The following DPP6 variants were observed in gnomAD, a reference collection of about 807,000 sequenced individuals.
DPP6 encodes the protein A-type potassium channel modulatory protein DPP6.
In DPP6, 69 loss-of-function variants were observed where a neutral mutation model predicts 122.6. The ratio of observed to expected loss-of-function variants is 0.56; its 90% CI spans 0.46 to 0.69. DPP6 has a LOEUF of 0.69. Among genes scored for constraint, DPP6 ranks in the 30% least tolerant of loss-of-function variants. DPP6 has a pLI of 0.00. For synonymous variants in DPP6, 418 were observed against 433.1 expected (o/e 0.97, Z 0.43); for missense variants, 928 against 1,116.9 (o/e 0.83, Z 2.41).
chr7:154,393,557 T>A (rs1467959052), intron 1 of DPP6, among the ~76,000 whole-genome samples: 1 of 143,100 alleles, frequency 7.0e-6, no homozygotes, highest in Non-Finnish European at 1.5e-5. Flanking sequence ...TTGTTCAATT[T>A]TTTTTTTTTT....
chr7:153,945,729 G>A (rs1010878473), intron 1 of DPP6, among the ~76,000 whole-genome samples: 1 of 152,178 alleles, frequency 6.6e-6, no homozygotes, highest in African/African-American at 2.4e-5. Context: ...GAATCAGTAA[G>A]TGTGAAGGAA....
intron 5 of DPP6, among the ~76,000 whole-genome samples, chr7:154,637,442 T>C (rs6968015): frequency 0.75 from 114,805 of 152,092 alleles, 43,465 homozygotes; most frequent in East Asian, 0.92. Context: ...CAGGGAACTC[T>C]AGCCGTACAT....
At chr7:154,789,138 G>A (rs1797517779) in intron 10 of DPP6, among the ~76,000 whole-genome samples, 2 of 152,164 alleles carry the variant, frequency 1.3e-5, no homozygotes, top group Non-Finnish European at 2.9e-5. Context: ...TTGACTCTGT[G>A]TTCTGACTTT....
intron 5 of DPP6, among the ~76,000 whole-genome samples, chr7:154,609,266 G>C (rs1223540174): frequency 6.6e-6 from 1 of 152,226 alleles, no homozygotes; most frequent in Non-Finnish European, 1.5e-5. Flanking sequence ...CAGGAACCCA[G>C]TACTATCTTT....
At chr7:154,012,441 A>G (rs1251769126) in intron 1 of DPP6, among the ~76,000 whole-genome samples, 2 of 152,216 alleles carry the variant, frequency 1.3e-5, no homozygotes, top group African/African-American at 2.4e-5. Flanking sequence ...CAAATGCACA[A>G]AGAACAAAGG....
chr7:154,884,467 A>G (rs985390149), intron 21 of DPP6: 7 of 150,208 alleles, frequency 4.7e-5, no homozygotes, highest in African/African-American at 1.5e-4. Context: ...ACACGAGTAC[A>G]TACACATGCT....
chr7:154,104,265 G>A (rs1805979243), intron 1 of DPP6, among the ~76,000 whole-genome samples: 1 of 152,214 alleles, frequency 6.6e-6, no homozygotes, highest in African/African-American at 2.4e-5. Context: ...GACGGGAAGG[G>A]GTTGTGCATT....
the DPP6 span, among the ~76,000 whole-genome samples, chr7:153,847,668 A>C: frequency 6.6e-6 from 1 of 152,190 alleles, no homozygotes; most frequent in Non-Finnish European, 1.5e-5. Flanking sequence ...CAGACACTCC[A>C]AAGTGTCTAC....
intron 7 of DPP6, among the ~76,000 whole-genome samples, chr7:154,676,269 G>A (rs1021968494): frequency 2.0e-5 from 3 of 149,208 alleles, no homozygotes; most frequent in Non-Finnish European, 3.0e-5. Flanking sequence ...GCCATGGGGC[G>A]TGCTGTCTGG....
intron 1 of DPP6, among the ~76,000 whole-genome samples, chr7:154,082,280 A>G (rs1030381052): frequency 2.0e-5 from 3 of 152,136 alleles, no homozygotes; most frequent in Non-Finnish European, 4.4e-5. Flanking sequence ...TATCTCTTCT[A>G]CATTCATCTT....
At chr7:154,094,130 C>T (rs1805136046) in intron 1 of DPP6, 2 of 152,132 alleles carry the variant, frequency 1.3e-5, no homozygotes. Context: ...CAGACGGTAT[C>T]CCCGGGAGAA....
the DPP6 span, among the ~76,000 whole-genome samples, chr7:153,866,348 C>A: frequency 3.9e-5 from 6 of 152,200 alleles, no homozygotes; most frequent in Admixed American, 3.3e-4. Flanking sequence ...CGCCGTTCTA[C>A]CTAGTGTGAG....
intron 16 of DPP6, among the ~76,000 whole-genome samples, chr7:154,834,889 T>C (rs1800927867): frequency 6.6e-6 from 1 of 152,200 alleles, no homozygotes; most frequent in Non-Finnish European, 1.5e-5. Context: ...ACCCCTGCCC[T>C]GCAAAGGTTT....
intron 1 of DPP6, among the ~76,000 whole-genome samples, chr7:153,991,695 A>G (rs565892597): frequency 2.2e-4 from 34 of 152,322 alleles, no homozygotes; most frequent in South Asian, 1.5e-3. Context: ...CATCCTGAGT[A>G]ATTCACAGTC....
intron 1 of DPP6, among the ~76,000 whole-genome samples, chr7:153,951,978 G>A (rs1359281618): frequency 1.3e-5 from 2 of 152,202 alleles, no homozygotes; most frequent in African/African-American, 4.8e-5. Context: ...GGGAAGCGGA[G>A]GTTGCAGTGA....
chr7:154,191,921 T>G (rs964099718), intron 1 of DPP6, among the ~76,000 whole-genome samples: 2 of 152,204 alleles, frequency 1.3e-5, no homozygotes. Context: ...AGATTGCTCT[T>G]TGACTAAGAA....
At chr7:153,968,930 A>C (rs1259069778) in intron 1 of DPP6, 1 of 152,166 alleles carries the variant, frequency 6.6e-6, no homozygotes. Flanking sequence ...GTAGCATGTC[A>C]GTACTTCATT....
chr7:154,641,382 C>T (rs1394745673), intron 6 of DPP6, among the ~76,000 whole-genome samples: 1 of 152,096 alleles, frequency 6.6e-6, no homozygotes, highest in African/African-American at 2.4e-5. Context: ...TTATTTTTAA[C>T]ATAAAGCATT....
chr7:154,024,747 G>C (rs183011867), intron 1 of DPP6, among the ~76,000 whole-genome samples: 2 of 152,196 alleles, frequency 1.3e-5, no homozygotes, highest in African/African-American at 4.8e-5. Context: ...AATGGAGTCC[G>C]AGCAGCGGGG....
Sources: allele counts gnomAD v4.1 joint callset (sites outside exome capture counted in the v4.1 genomes callset), GRCh38; gene constraint gnomAD v4.1.1; transcripts MANE v1.5; gene names NCBI Gene and HGNC (gene_info 2026-07-23, HGNC 2026-07-21).